KLF8: variants seen among roughly 807,000 people sequenced by gnomAD.
KLF8 encodes KLF transcription factor 8.
A neutral mutation model predicts 18.2 loss-of-function variants in KLF8; 10 were observed. The observed-to-expected ratio is 0.55, with a 90% CI of 0.34 to 0.93. The LOEUF is 0.93. Ranked by LOEUF, KLF8 falls within the 40% of genes least tolerant of loss-of-function variation. The pLI is 0.02. For missense variants in KLF8, 264 were observed against 277.9 expected, an observed-to-expected ratio of 0.95 and a Z score of 0.36; for synonymous variants, 109 against 97.3, an observed-to-expected ratio of 1.12 and a Z score of -0.71.
At chrX:56,166,155 C>A in the KLF8 span, among the ~76,000 whole-genome samples, 1 of 103,544 alleles carries the variant, frequency 9.7e-6, no homozygotes. Context: ...TTTTTTGAGA[C>A]AACCATTGCA....
chrX:55,998,861 A>AT, the KLF8 span, among the ~76,000 whole-genome samples: 3 of 54,388 alleles, frequency 5.5e-5, no homozygotes, highest in African/African-American at 2.6e-4. Context: ...GGTCGCATTT[A>AT]TTTTTTGTTT....
the KLF8 span, among the ~76,000 whole-genome samples, chrX:56,094,279 A>C: frequency 2.7e-5 from 3 of 111,279 alleles, no homozygotes; most frequent in Non-Finnish European, 5.7e-5. Flanking sequence ...AAGATATTTC[A>C]TGTTAACTCC....
At chrX:55,915,697 G>A in the KLF8 span, among the ~76,000 whole-genome samples, 1 of 111,684 alleles carries the variant, frequency 9.0e-6, no homozygotes, top group African/African-American at 3.3e-5. Context: ...GGCATCACTG[G>A]GCCTATACTG....
chrX:56,192,422 C>T, the KLF8 span, among the ~76,000 whole-genome samples: 2 of 111,465 alleles, frequency 1.8e-5, no homozygotes, highest in African/African-American at 3.3e-5. Flanking sequence ...AATGCAATCT[C>T]GATCAAAACA....
chrX:56,188,155 T>G, the KLF8 span, among the ~76,000 whole-genome samples: 5 of 111,525 alleles, frequency 4.5e-5, no homozygotes, highest in East Asian at 2.8e-4. Flanking sequence ...CTCCTTAAGC[T>G]GATAAGCAAC....
the KLF8 span, among the ~76,000 whole-genome samples, chrX:56,114,742 A>C: frequency 1.8e-5 from 2 of 113,126 alleles, no homozygotes; most frequent in Non-Finnish European, 3.7e-5. Context: ...TGTTTTAGAA[A>C]TCACATATTT....
the KLF8 span, among the ~76,000 whole-genome samples, chrX:56,026,951 A>C: frequency 8.9e-6 from 1 of 112,746 alleles, no homozygotes; most frequent in Non-Finnish European, 1.9e-5. Flanking sequence ...CTTGCTTTGC[A>C]TTGTGCTGTC....
the KLF8 span, among the ~76,000 whole-genome samples, chrX:56,182,430 T>C: frequency 6.7e-4 from 75 of 111,591 alleles, no homozygotes; most frequent in African/African-American, 2.2e-3. Context: ...CTCAGAGGAG[T>C]TTGTTATTGC....
At chrX:56,183,247 G>A in the KLF8 span, among the ~76,000 whole-genome samples, 28 of 112,190 alleles carry the variant, frequency 2.5e-4, no homozygotes, top group South Asian at 1.5e-3. Context: ...GCAAGGCTCC[G>A]TGGGCAAGGG....
chrX:55,951,065 A>G, the KLF8 span, among the ~76,000 whole-genome samples: 5 of 112,081 alleles, frequency 4.5e-5, no homozygotes, highest in African/African-American at 1.6e-4. Context: ...TTGGGAGTTC[A>G]TAGAGTTTCC....
At chrX:55,982,404 C>G in the KLF8 span, among the ~76,000 whole-genome samples, 1 of 111,582 alleles carries the variant, frequency 9.0e-6, no homozygotes, top group Non-Finnish European at 1.9e-5. Flanking sequence ...ACTCTTAAAT[C>G]TGTCCTATTT....
At chrX:56,078,717 G>A in the KLF8 span, among the ~76,000 whole-genome samples, 4 of 111,726 alleles carry the variant, frequency 3.6e-5, no homozygotes, top group Non-Finnish European at 7.5e-5. Flanking sequence ...AGAAGGAATG[G>A]TACCAGTTCC....
chrX:55,940,002 G>A, the KLF8 span, among the ~76,000 whole-genome samples: 1 of 111,881 alleles, frequency 8.9e-6, no homozygotes, highest in South Asian at 3.7e-4. Context: ...TAGAAAAAGA[G>A]GGAATCCTCC....
chrX:56,033,814 G>A, the KLF8 span, among the ~76,000 whole-genome samples: 58 of 112,119 alleles, frequency 5.2e-4, no homozygotes, highest in Middle Eastern at 4.6e-3. Flanking sequence ...TCTTCTTTGA[G>A]AAATGTCTTT....
At chrX:55,956,363 G>A in the KLF8 span, among the ~76,000 whole-genome samples, 12 of 111,485 alleles carry the variant, frequency 1.1e-4, no homozygotes, top group Non-Finnish European at 1.9e-4. Context: ...ATGAACATAG[G>A]TATACAAATA....
chrX:55,960,898 C>T, the KLF8 span, among the ~76,000 whole-genome samples: 2 of 111,208 alleles, frequency 1.8e-5, no homozygotes, highest in East Asian at 2.8e-4. Flanking sequence ...AGTATCAAGC[C>T]GGATAAAGAA....
chrX:56,001,094 C>A, the KLF8 span, among the ~76,000 whole-genome samples: 1 of 112,292 alleles, frequency 8.9e-6, no homozygotes, highest in African/African-American at 3.2e-5. Context: ...TACTGGAATG[C>A]TGCAGTGGGC....
At chrX:55,961,851 AC>A in the KLF8 span, 4 of 257,393 alleles carry the variant, frequency 1.6e-5, no homozygotes, top group Non-Finnish European at 2.9e-5. Context: ...TGGGAGTGGA[AC>A]CTCGTCTAGA....
At chrX:56,110,013 C>A in the KLF8 span, among the ~76,000 whole-genome samples, 2 of 110,933 alleles carry the variant, frequency 1.8e-5, no homozygotes, top group African/African-American at 6.6e-5. Context: ...TCAGCTCCCA[C>A]TTATAAGTGA....
Sources: gnomAD v4.1 joint callset for allele counts (sites outside exome capture counted in the v4.1 genomes callset) on GRCh38, gnomAD v4.1.1 for gene constraint, MANE v1.5 for transcripts, NCBI Gene and HGNC (gene_info 2026-07-23, HGNC 2026-07-21) for gene names.